CFAP107: variants seen among roughly 807,000 people sequenced by gnomAD.
The protein encoded by CFAP107 is cilia- and flagella-associated protein 107.
chr1:12,759,279 A>G, the CFAP107 span: 1 of 1,607,438 alleles, frequency 6.2e-7, no homozygotes, highest in Non-Finnish European at 8.5e-7. Flanking sequence ...CGCTCCTATC[A>G]GTAACGAGCC....
the CFAP107 span, chr1:12,763,458 G>C: frequency 1.3e-5 from 2 of 151,834 alleles, no homozygotes; most frequent in Non-Finnish European, 2.9e-5. Flanking sequence ...AGCTGAGGGA[G>C]ATTACCCAGC....
the CFAP107 span, among the ~76,000 whole-genome samples, chr1:12,750,390 AC>A: frequency 6.6e-6 from 1 of 152,232 alleles, no homozygotes; most frequent in Admixed American, 6.5e-5. Context: ...ATCAGTAATC[AC>A]TTTTAAATGT....
At chr1:12,753,370 T>A in the CFAP107 span, 2 of 147,034 alleles carry the variant, frequency 1.4e-5, no homozygotes, top group African/African-American at 2.5e-5. Context: ...ATAAAATCCA[T>A]CCTAAAATTC....
At chr1:12,746,981 T>G in the CFAP107 span, among the ~76,000 whole-genome samples, 1 of 152,108 alleles carries the variant, frequency 6.6e-6, no homozygotes. Flanking sequence ...TGAGGCCAGC[T>G]TGCCACTCTC....
the CFAP107 span, among the ~76,000 whole-genome samples, chr1:12,751,456 G>A: frequency 0.053 from 8,026 of 152,056 alleles, 687 homozygotes; most frequent in African/African-American, 0.18. Flanking sequence ...GCGAAATCCC[G>A]TCTCTACCAA....
At chr1:12,753,652 A>C in the CFAP107 span, 1 of 152,238 alleles carries the variant, frequency 6.6e-6, no homozygotes, top group Non-Finnish European at 1.5e-5. Context: ...GGTGTTCAGT[A>C]AAGTGGATAT....
chr1:12,751,398 G>T, the CFAP107 span, among the ~76,000 whole-genome samples: 1 of 152,060 alleles, frequency 6.6e-6, no homozygotes, highest in African/African-American at 2.4e-5. Context: ...AGGCCGAGGT[G>T]GGTGGATCAT....
the CFAP107 span, chr1:12,759,533 T>C: frequency 1.2e-6 from 2 of 1,608,612 alleles, no homozygotes; most frequent in African/African-American, 2.7e-5. Context: ...TCTGTAAAGT[T>C]GCACAGACCA....
chr1:12,755,252 A>C, the CFAP107 span, among the ~76,000 whole-genome samples: 1 of 152,184 alleles, frequency 6.6e-6, no homozygotes. Flanking sequence ...TGAAAATACA[A>C]AAATTAGCTG....
the CFAP107 span, chr1:12,761,039 A>C: frequency 7.6e-7 from 1 of 1,309,920 alleles, no homozygotes; most frequent in Admixed American, 2.2e-5. Context: ...GCGCAGATAA[A>C]CTCAGAGTAC....
At chr1:12,760,744 C>A in the CFAP107 span, 2 of 1,605,214 alleles carry the variant, frequency 1.2e-6, no homozygotes, top group African/African-American at 2.7e-5. Context: ...AAGCCCCATT[C>A]AACTGGACCC....
chr1:12,746,753 A>G, the CFAP107 span, among the ~76,000 whole-genome samples: 5 of 152,114 alleles, frequency 3.3e-5, no homozygotes, highest in Admixed American at 1.3e-4. Flanking sequence ...TGTTTCATAC[A>G]TGATGGTTAT....
chr1:12,756,819 G>A, the CFAP107 span, among the ~76,000 whole-genome samples: 1 of 152,168 alleles, frequency 6.6e-6, no homozygotes, highest in South Asian at 2.1e-4. Flanking sequence ...AAGCTGTGTG[G>A]CTTGTTGTTA....
chr1:12,760,664 G>C, the CFAP107 span: 1 of 1,171,220 alleles, frequency 8.5e-7, no homozygotes, highest in Admixed American at 2.3e-5. Context: ...AGAGCAGCCT[G>C]GGAAAATCTC....
the CFAP107 span, among the ~76,000 whole-genome samples, chr1:12,757,890 C>T: frequency 6.6e-6 from 1 of 152,100 alleles, no homozygotes; most frequent in Admixed American, 6.5e-5. Context: ...ACTCCAAAGC[C>T]CGTATCCCCA....
the CFAP107 span, among the ~76,000 whole-genome samples, chr1:12,747,645 C>T: frequency 1.3e-5 from 2 of 152,142 alleles, no homozygotes; most frequent in African/African-American, 2.4e-5. Flanking sequence ...AGGCTGTTTT[C>T]CTGGAGAACA....
At chr1:12,748,313 G>T in the CFAP107 span, among the ~76,000 whole-genome samples, 3 of 152,156 alleles carry the variant, frequency 2.0e-5, no homozygotes, top group East Asian at 3.8e-4. Flanking sequence ...AGTGAAAGCT[G>T]CCAGGGGATT....
the CFAP107 span, among the ~76,000 whole-genome samples, chr1:12,746,705 A>G: frequency 1.3e-5 from 2 of 152,074 alleles, no homozygotes; most frequent in Non-Finnish European, 2.9e-5. Flanking sequence ...CATTCAAGCA[A>G]TCATCAATAT....
At chr1:12,754,670 A>C in the CFAP107 span, among the ~76,000 whole-genome samples, 1 of 152,268 alleles carries the variant, frequency 6.6e-6, no homozygotes, top group Non-Finnish European at 1.5e-5. Context: ...GAATATAATC[A>C]AACCTTAAAA....
Sources: gnomAD v4.1 joint callset for allele counts (sites outside exome capture counted in the v4.1 genomes callset) on GRCh38, gnomAD v4.1.1 for gene constraint, MANE v1.5 for transcripts, NCBI Gene and HGNC (gene_info 2026-07-23, HGNC 2026-07-21) for gene names.